Variants in DNAH9 observed in about 807,000 individuals in gnomAD.
DNAH9 encodes the protein DNAH9 variant protein.
In DNAH9, 345 loss-of-function variants were observed where a neutral mutation model predicts 471.6. The observed-to-expected ratio is 0.73, with a 90% CI of 0.67 to 0.80. DNAH9 has a LOEUF of 0.80. Ranked by LOEUF, DNAH9 falls within the 30% of genes least tolerant of loss-of-function variation. The probability of loss-of-function intolerance (pLI) is 0.00; values close to 1 mark genes in which losing one functional copy is unlikely to be tolerated. For missense variants in DNAH9, 5,407 were observed against 5,609.2 expected, an observed-to-expected ratio of 0.96 and a Z score of 1.15; for synonymous variants, 2,093 against 2,123.6, an observed-to-expected ratio of 0.99 and a Z score of 0.40.
chr17:11,669,507 G>A lies in DNAH9; in HGVS notation c.3066G>A (p.Lys1022=), dbSNP rs2073940156. The change falls in exon 17 of 69, where the codon AAG becomes AAA. Residue 1022 remains lysine, a synonymous_variant. Transcript: ENST00000262442. ...QYSYLYVEDR[K]EVLGQFLLYG... ...CGTACCTCTATGTGGAGGACCGGAAGGAGGTTCTGGGTCAGTTTCTGCTGT... is the reference window on the plus strand; with the variant it reads ...CGTACCTCTATGTGGAGGACCGGAAAGAGGTTCTGGGTCAGTTTCTGCTGT... The A allele has an allele frequency of 1.2e-6, 2 of 1,614,210 alleles. No homozygotes were observed. The highest frequency in any genetic ancestry group is 1.3e-5 in the African/African-American group (1 of 75,042).
rs776915541 is a variant in DNAH9 at position 11,699,709 on chromosome 17, T to C, written c.4873-22T>C. The C allele has an allele frequency of 9.3e-6, 15 of 1,612,354 alleles. No homozygotes were observed. The African/African-American group carries it at 1.1e-4, about 11-fold the overall frequency. On this transcript the variant is annotated intron_variant, in intron 22 of 68. Transcript: ENST00000262442. ...CTTCCCGAACATGTTTTATGATCCA[T>C]TGGCCTGGTTTCCCTTCATAGGTTC...
At chr17:11,598,975 C>A (rs2072325565) in intron 1 of DNAH9, 60 bp downstream of exon 1, 12 of 790,616 alleles carry the variant, frequency 1.5e-5, no homozygotes, top group South Asian at 2.7e-5. Context: ...GAGGAGGAGC[C>A]TTAAGGGACG....
chr17:11,743,631 AATTG>A (rs1022188357), intron 30 of DNAH9, among the ~76,000 whole-genome samples: 3 of 152,092 alleles, frequency 2.0e-5, no homozygotes, highest in African/African-American at 7.2e-5. Flanking sequence ...AGTTCCTTGA[AATTG>A]ATTGTCTTCT....
At chr17:11,661,932 A>C (rs1337766190) in intron 14 of DNAH9, among the ~76,000 whole-genome samples, 1 of 152,122 alleles carries the variant, frequency 6.6e-6, no homozygotes, top group Non-Finnish European at 1.5e-5. Context: ...TATAGATATA[A>C]ATTACCATCT....
At chr17:11,770,741 C>T (rs1024905151) in intron 38 of DNAH9, among the ~76,000 whole-genome samples, 2 of 152,222 alleles carry the variant, frequency 1.3e-5, no homozygotes, top group African/African-American at 4.8e-5. Flanking sequence ...AGGAATCGTT[C>T]TTCCATTTTT....
At chr17:11,887,062 G>A (rs2151000657) in intron 57 of DNAH9, 97 bp downstream of exon 57, 1 of 1,443,296 alleles carries the variant, frequency 6.9e-7, no homozygotes, top group South Asian at 1.5e-5. Flanking sequence ...AAGATCATTA[G>A]CTATGGCAAG....
chr17:11,955,975 C>T (rs770665663), intron 67 of DNAH9, among the ~76,000 whole-genome samples: 39 of 152,254 alleles, frequency 2.6e-4, no homozygotes, highest in Non-Finnish European at 4.9e-4. Flanking sequence ...TTCTATTAAC[C>T]GTTAACGAGG....
chr17:11,599,125 G>A (rs553899690), intron 1 of DNAH9, among the ~76,000 whole-genome samples: 1 of 152,176 alleles, frequency 6.6e-6, no homozygotes, highest in South Asian at 2.1e-4. Flanking sequence ...ATGGGGTTAG[G>A]GGCGGAGTCG....
chr17:11,724,303 A>G (rs912459936), intron 27 of DNAH9, among the ~76,000 whole-genome samples: 28 of 152,216 alleles, frequency 1.8e-4, no homozygotes, highest in African/African-American at 5.8e-4. Flanking sequence ...GTCTAGCTGT[A>G]TGTTTGTACC....
rs368213433 is a variant in DNAH9, at chr17:11,905,424, C to A, written c.11601-237C>A. Among the ~76,000 whole-genome samples the A allele has an allele frequency of 8.5e-5, 13 of 152,192 alleles. No individual in the cohort carries two copies. The South Asian group carries it at 2.5e-3, about 29-fold the overall frequency. On this transcript the variant is annotated intron_variant, in intron 60 of 68. Transcript: ENST00000262442. The stretch of plus-strand genomic sequence containing the variant: ...CTCCCCTGAGGGAGTCAGCGATGGC[C>A]TGCCTGGATGGGGCTTCAGAGGAAG...
chr17:11,927,092 T>G (rs1974355627), intron 62 of DNAH9, among the ~76,000 whole-genome samples: 3 of 151,616 alleles, frequency 2.0e-5, no homozygotes, highest in Admixed American at 6.5e-5. Context: ...CTTTGCCCAT[T>G]TTTTAATGAG....
chr17:11,617,524 C>CACGTG lies in DNAH9; in HGVS notation c.1019_1023dup (p.Val342ThrfsTer5). The CACGTG allele has an allele frequency of 1.2e-6, 2 of 1,614,144 alleles. No homozygotes were observed. Among genetic ancestry groups the CACGTG allele is most frequent in the Non-Finnish European group, 1.7e-6 (2 of 1,180,000 alleles). The stretch of plus-strand genomic sequence containing the variant: ...GAAGCCCCAGCTGCGGCCCCTGCTC[C>CACGTG]ACGTGGTCTGTCTGATTTGGGCCAC... On this transcript the variant is annotated frameshift_variant, in exon 5 of 69. Coordinates refer to ENST00000262442, the MANE Select transcript of DNAH9 (RefSeq NM_001372.4). LOFTEE classifies it high-confidence loss of function.
In DNAH9 at chr17:11,751,090, A is replaced by G. The variant is rs139409649; in HGVS notation, c.6611-1743A>G. On this transcript the variant is annotated intron_variant, in intron 32 of 68. Coordinates refer to ENST00000262442, the MANE Select transcript of DNAH9 (RefSeq NM_001372.4). Reference sequence around the variant, plus strand: ...TAAAGTAGAAGAAAATATTTAATTGATGACACATACTTGAAAAACTAAAAG... The same window carrying G: ...TAAAGTAGAAGAAAATATTTAATTGGTGACACATACTTGAAAAACTAAAAG... Among the ~76,000 whole-genome samples, 16 of 152,138 alleles carry G rather than the reference A, an allele frequency of 1.1e-4. No individual in the cohort carries two copies. The East Asian group carries it at 2.9e-3, about 28-fold the overall frequency.
At position 11,902,857 on chromosome 17, in the gene DNAH9, C is replaced by A. The variant is rs2151013191; in HGVS notation, c.11545C>A (p.Gln3849Lys). ...PQEWKNKTAL[Q>K]RLCMLRAMRP... ...GGAGTGGAAGAACAAGACAGCCCTG[C>A]AGCGCCTCTGCATGCTGAGAGCCAT... The change falls in exon 60 of 69, where the codon CAG becomes AAG. Residue 3849 changes from glutamine to lysine, a missense_variant. By Grantham distance (53) the Gln-to-Lys change is moderately conservative. This residue lies in a region of DNAH9 where 4,636 missense variants were observed against 4,900.3 expected (regional missense o/e 0.95). Transcript: ENST00000262442. The A allele has an allele frequency of 6.2e-7, 1 of 1,613,968 alleles. No homozygotes were observed. Among genetic ancestry groups the A allele is most frequent in the East Asian group, 2.2e-5 (1 of 44,886 alleles).
intron 50 of DNAH9, among the ~76,000 whole-genome samples, chr17:11,862,740 C>A (rs1323039850): frequency 6.6e-6 from 1 of 152,098 alleles, no homozygotes; most frequent in Non-Finnish European, 1.5e-5. Context: ...CTTCACATCC[C>A]TTGTAAGTTG....
chr17:11,915,439 G>T (rs183125367), intron 61 of DNAH9, among the ~76,000 whole-genome samples: 114 of 152,166 alleles, frequency 7.5e-4, no homozygotes, highest in African/African-American at 2.6e-3. Context: ...CAGGAGACTC[G>T]CTTGAACCTG....
rs1003379162 is a variant in DNAH9 at position 11,626,989 on chromosome 17, A to G, written c.1351-2428A>G. 2.0e-5 allele frequency among the ~76,000 whole-genome samples: 3 copies of G among 152,198 alleles called. No homozygotes were observed. The highest frequency in any genetic ancestry group is 7.2e-5 in the African/African-American group (3 of 41,456). The stretch of plus-strand genomic sequence containing the variant: ...TTTACAACTTACTGGACAGAAAATA[A>G]GCAAATAGTATAATATAATGCCAAA... On this transcript the variant is annotated intron_variant, in intron 6 of 68. Transcript: ENST00000262442. The surrounding 1 kb of genome is among the most constrained non-coding windows in gnomAD (Gnocchi z 4.3).
intron 17 of DNAH9, among the ~76,000 whole-genome samples, chr17:11,675,526 A>G (rs1427461266): frequency 6.6e-6 from 1 of 152,198 alleles, no homozygotes; most frequent in Non-Finnish European, 1.5e-5. Flanking sequence ...TGATCTTAAA[A>G]GGAGTGCTTT....
chr17:11,777,299 T>C (rs76233407), intron 38 of DNAH9, among the ~76,000 whole-genome samples: 5,308 of 152,360 alleles, frequency 0.035, 164 homozygotes, highest in East Asian at 0.14. Flanking sequence ...CCTACATTAC[T>C]AGTGTAATTA....
Sources: gnomAD v4.1 joint callset for allele counts (sites outside exome capture counted in the v4.1 genomes callset) on GRCh38, gnomAD v4.1.1 for gene constraint, gnomAD v4.1.1 regional missense constraint, Gnocchi (gnomAD v3.1) non-coding constraint, MANE v1.5 for transcripts, NCBI Gene and HGNC (gene_info 2026-07-23, HGNC 2026-07-21) for gene names.